The following SLC38A3 variants were observed in gnomAD, a reference collection of about 807,000 sequenced individuals.
SLC38A3 encodes sodium-coupled neutral amino acid transporter 3.
Under a neutral mutation model 59.5 loss-of-function variants are expected in SLC38A3, and 17 were observed. The observed-to-expected ratio is 0.29, with a 90% CI of 0.20 to 0.43. SLC38A3 has a LOEUF of 0.43. Among genes scored for constraint, SLC38A3 ranks in the 20% least tolerant of loss-of-function variants. The pLI, the probability that SLC38A3 is intolerant of heterozygous loss-of-function variation, is 1.00. For missense variants in SLC38A3, 454 were observed against 653.9 expected (o/e 0.69, Z 3.33); for synonymous variants, 238 against 260.3 (o/e 0.91, Z 0.82).
chr3:50,217,911 C>T lies in SLC38A3; in HGVS notation c.856-6C>T. On this transcript the variant is annotated splice_region_variant and splice_polypyrimidine_tract_variant and intron_variant, in intron 10 of 15. Coordinates refer to ENST00000614032, the MANE Select transcript of SLC38A3 (RefSeq NM_006841.6). The surrounding 1 kb of genome is among the most constrained non-coding windows in gnomAD (Gnocchi z 4.9). ...ACTGCCTTGACACAGCCCCGTGTTT[C>T]CCCAGACAGCATACACCATCCCCAT... The T allele has an allele frequency of 6.2e-7, 1 of 1,614,008 alleles. No individual in the cohort carries two copies. The highest frequency in any genetic ancestry group is 8.5e-7 in the Non-Finnish European group (1 of 1,179,890).
chr3:50,207,195 T>A (rs1161139296), intron 1 of SLC38A3: 1 of 152,280 alleles, frequency 6.6e-6, no homozygotes, highest in Non-Finnish European at 1.5e-5. Flanking sequence ...TATGCTATAG[T>A]AGAATTGGGA....
chr3:50,219,660 T>C (rs587665984), intron 14 of SLC38A3, among the ~76,000 whole-genome samples: 1 of 152,338 alleles, frequency 6.6e-6, no homozygotes, highest in South Asian at 2.1e-4. Context: ...GCTAGCTTCA[T>C]TGGCTGACAT....
chr3:50,211,561 C>T (rs1456140903), intron 1 of SLC38A3, among the ~76,000 whole-genome samples: 2 of 148,848 alleles, frequency 1.3e-5, no homozygotes, highest in Non-Finnish European at 3.0e-5. Context: ...TCCTTGATGC[C>T]CCCATCCTTT....
At position 50,217,415 on chromosome 3, in the gene SLC38A3, G is replaced by C. The variant is rs773933504; in HGVS notation, c.632G>C (p.Gly211Ala). ...ILPLALMRQL[G>A]YLGYSSGFSL... ...TCAGAGTGCTCCCTCCACTTTGCAG[G>C]CTACCTGGGCTACTCCAGCGGCTTC... is the stretch of plus-strand genomic sequence containing the variant. The change falls in exon 9 of 16, where the codon GGC becomes GCC. Residue 211 changes from glycine (G) to alanine (A), a missense_variant and splice_region_variant. Gly to Ala is a moderately conservative substitution (Grantham distance 60). Transcript: ENST00000614032. This position sits in a 1 kb window ranked among gnomAD's most constrained non-coding sequence, Gnocchi z 4.9. 1.2e-6 allele frequency: 2 copies of C among 1,613,216 alleles called. No individual in the cohort carries two copies. The highest frequency in any genetic ancestry group is 8.5e-7 in the Non-Finnish European group (1 of 1,179,562).
chr3:50,217,547 G>A lies in SLC38A3; in HGVS notation c.690+74G>A. ...GGGGAGTTCCCTGTCATCAGGAGGG[G>A]GCAGGTGTCTCTGGGAAGCCTGGGC... On this transcript the variant is annotated intron_variant, in intron 9 of 15. Coordinates refer to ENST00000614032, the MANE Select transcript of SLC38A3 (RefSeq NM_006841.6). The surrounding 1 kb of genome is among the most constrained non-coding windows in gnomAD (Gnocchi z 4.9). The A allele has an allele frequency of 1.9e-6, 3 of 1,579,502 alleles. No homozygotes were observed. Among genetic ancestry groups the A allele is most frequent in the Middle Eastern group, 3.5e-4 (2 of 5,668 alleles).
rs745812005 is a variant in SLC38A3, at chr3:50,218,637, C to T, written c.1081C>T (p.Pro361Ser). The T allele has an allele frequency of 1.9e-6, 3 of 1,613,728 alleles. No individual in the cohort carries two copies. Among genetic ancestry groups the T allele is most frequent in the Non-Finnish European group, 2.5e-6 (3 of 1,179,780 alleles). ...ELLHTYSKVD[P>S]FDVLILCVRV... ...GCTGCACACCTACAGCAAGGTGGAC[C>T]CGTTTGACGTCCTGATCCTGTGTGT... Residue 361 changes from proline (P) to serine (S), a missense_variant, in exon 13 of 16, where the codon CCG becomes TCG. Pro to Ser is a moderately conservative substitution (Grantham distance 74). Coordinates refer to ENST00000614032, the MANE Select transcript of SLC38A3 (RefSeq NM_006841.6). This position sits in a 1 kb window ranked among gnomAD's most constrained non-coding sequence, Gnocchi z 5.8.
chr3:50,214,507 T>C lies in SLC38A3; in HGVS notation c.183+24T>C. The C allele has an allele frequency of 6.5e-7, 1 of 1,550,164 alleles. No individual in the cohort carries two copies. Among genetic ancestry groups the C allele is most frequent in the Non-Finnish European group, 8.7e-7 (1 of 1,144,028 alleles). On this transcript the variant is annotated intron_variant, in intron 3 of 15. Transcript: ENST00000614032. The surrounding 1 kb of genome is among the most constrained non-coding windows in gnomAD (Gnocchi z 6.0). ...ACGTGAGCAGGGCAGCAACGGGTTT[T>C]AGGGGACACTGTGGGGAGCTTGGAT...
Position 50,218,834 on chromosome 3 carries a change from C to T in SLC38A3, c.1192C>T (p.Pro398Ser). The stretch of plus-strand genomic sequence containing the variant: ...CCGCGCCATCCAGCAGATGCTGTTT[C>T]CAAACCAGGAGTTCAGCTGGCTGCG... ...VRRAIQQMLF[P>S]NQEFSWLRHV... The change falls in exon 14 of 16, where the codon CCA becomes TCA. Residue 398 changes from proline (P) to serine (S), a missense_variant. By Grantham distance (74) the Pro-to-Ser change is moderately conservative. This residue lies in a region of SLC38A3 where 390 missense variants were observed against 557.9 expected (regional missense o/e 0.70). Coordinates refer to ENST00000614032, the MANE Select transcript of SLC38A3 (RefSeq NM_006841.6). This position sits in a 1 kb window ranked among gnomAD's most constrained non-coding sequence, Gnocchi z 5.8. The T allele has an allele frequency of 6.2e-7, 1 of 1,612,430 alleles. No homozygotes were observed. The highest frequency in any genetic ancestry group is 1.3e-5 in the African/African-American group (1 of 75,016).
chr3:50,215,194 C>T lies in SLC38A3; in HGVS notation c.300-192C>T, dbSNP rs968768003. On this transcript the variant is annotated intron_variant, in intron 4 of 15. Transcript: ENST00000614032. The surrounding 1 kb of genome is among the most constrained non-coding windows in gnomAD (Gnocchi z 7.1). ...CCAGAGGGCCCCTTCTGGGGTGTGTCGCACCCTGGATCAAAGGGGGTGGTG... is the reference window on the plus strand; with the variant it reads ...CCAGAGGGCCCCTTCTGGGGTGTGTTGCACCCTGGATCAAAGGGGGTGGTG... 3 of 607,624 alleles carry T rather than the reference C, an allele frequency of 4.9e-6. No individual in the cohort carries two copies. The highest frequency in any genetic ancestry group is 4.4e-4 in the Middle Eastern group (1 of 2,252). 37.6% of individuals were successfully genotyped at this position (607,624 alleles called of 1,614,324 possible).
At chr3:50,212,515 C>T (rs1007296646) in intron 1 of SLC38A3, among the ~76,000 whole-genome samples, 2 of 152,140 alleles carry the variant, frequency 1.3e-5, no homozygotes, top group African/African-American at 4.8e-5. Flanking sequence ...GTTATAGTCC[C>T]GAGTAGGTGG....
Position 50,215,372 on chromosome 3 carries a change from C to T in SLC38A3, c.300-14C>T. On this transcript the variant is annotated splice_polypyrimidine_tract_variant and intron_variant, in intron 4 of 15. Transcript: ENST00000614032. The surrounding 1 kb of genome is among the most constrained non-coding windows in gnomAD (Gnocchi z 7.1). ...AGTGGCCTCTTTTTCTTCCATCTTC[C>T]CATGTGTCCCCAGGTTCCTGTTGAC... 6.2e-7 allele frequency: 1 copy of T among 1,613,528 alleles called. No individual in the cohort carries two copies. Among genetic ancestry groups the T allele is most frequent in the Non-Finnish European group, 8.5e-7 (1 of 1,179,442 alleles).
chr3:50,206,043 G>A (rs1699642517), intron 1 of SLC38A3, among the ~76,000 whole-genome samples: 1 of 152,266 alleles, frequency 6.6e-6, no homozygotes, highest in South Asian at 2.1e-4. Flanking sequence ...CGCTGGGTAG[G>A]GTGTAAGTTA....
At chr3:50,216,484 G>A (rs921134353) in intron 7 of SLC38A3, among the ~76,000 whole-genome samples, 1 of 152,214 alleles carries the variant, frequency 6.6e-6, no homozygotes, top group African/African-American at 2.4e-5. Flanking sequence ...GGAGGGGGCC[G>A]GATGAGGCAA....
chr3:50,216,536 G>C (rs1699822164), intron 7 of SLC38A3, among the ~76,000 whole-genome samples: 1 of 152,214 alleles, frequency 6.6e-6, no homozygotes, highest in African/African-American at 2.4e-5. Flanking sequence ...ACAGGTTATT[G>C]CAAGTGCCAG....
chr3:50,215,840 A>T lies in SLC38A3; in HGVS notation c.548+19A>T. On this transcript the variant is annotated intron_variant, in intron 7 of 15. Coordinates refer to ENST00000614032, the MANE Select transcript of SLC38A3 (RefSeq NM_006841.6). The surrounding 1 kb of genome is among the most constrained non-coding windows in gnomAD (Gnocchi z 7.1). ...AAACCTCGTGAGCCCTGGCGTGGGG[A>T]GGGGAGGGGAGGGGTGCGGTGCAGT... 1.2e-5 allele frequency: 10 copies of T among 809,912 alleles called. No homozygotes were observed. The highest frequency in any genetic ancestry group is 3.6e-5 in the African/African-American group (1 of 27,466). The allele number at this position is 809,912 out of a possible 1,614,324, so 50.2% of individuals were successfully genotyped here.
chr3:50,218,593 A>T lies in SLC38A3; in HGVS notation c.1037A>T (p.Asn346Ile), dbSNP rs1240974091. ...TGACCACCCTCCCTGCCTGCCACAG[A>T]CGGGGTGGAGTCGGAGCTGCTGCAC... ...AALFGYLTFY[N>I]GVESELLHTY... Residue 346 changes from asparagine to isoleucine, a missense_variant and splice_region_variant, in exon 13 of 16, where the codon AAC (asparagine) becomes ATC (isoleucine). Physicochemically the swap from Asn to Ile is moderately radical, Grantham distance 149. Coordinates refer to ENST00000614032, the MANE Select transcript of SLC38A3 (RefSeq NM_006841.6). The surrounding 1 kb of genome is among the most constrained non-coding windows in gnomAD (Gnocchi z 5.8). 1.9e-6 allele frequency: 3 copies of T among 1,612,154 alleles called. No homozygotes were observed. Among genetic ancestry groups the T allele is most frequent in the Non-Finnish European group, 1.7e-6 (2 of 1,179,102 alleles).
Position 50,218,074 on chromosome 3 carries a change from G to A in SLC38A3, c.935+78G>A. ...GAGAATGGATGTGGTCCTGAATGTG[G>A]AGAGGGGAGTGACAGGAGCCAAGTC... On this transcript the variant is annotated intron_variant, in intron 11 of 15. Transcript: ENST00000614032. This position sits in a 1 kb window ranked among gnomAD's most constrained non-coding sequence, Gnocchi z 5.8. 7.0e-7 allele frequency: 1 copy of A among 1,437,188 alleles called. No individual in the cohort carries two copies. The highest frequency in any genetic ancestry group is 9.7e-7 in the Non-Finnish European group (1 of 1,028,418). 89.0% of individuals were successfully genotyped at this position (1,437,188 alleles called of 1,614,324 possible). A position where few individuals can be genotyped will look rare whatever the true frequency, so the allele number is the denominator to read the frequency against.
At position 50,221,054 on chromosome 3, in the gene SLC38A3, A is replaced by C. The variant is rs1272924279; in HGVS notation, c.*877A>C. 1 of 152,258 alleles carries C rather than the reference A, an allele frequency of 6.6e-6. No individual in the cohort carries two copies. Among genetic ancestry groups the C allele is most frequent in the African/African-American group, 2.4e-5 (1 of 41,426 alleles). The allele number at this position is 152,258 out of a possible 1,614,324, so 9.4% of individuals were successfully genotyped here. On this transcript the variant is annotated 3_prime_UTR_variant, in exon 16 of 16. Transcript: ENST00000614032. ...GGTACGGGCCAGAACATGGATGGTGATGGAGGGCCCCCGTCTCCTTGTCTG... is the reference window on the plus strand; with the variant it reads ...GGTACGGGCCAGAACATGGATGGTGCTGGAGGGCCCCCGTCTCCTTGTCTG...
Position 50,218,336 on chromosome 3 carries a change from C to T in SLC38A3, c.1002C>T (p.Phe334=), listed in dbSNP as rs1223759036. Residue 334 remains phenylalanine (F), a synonymous_variant, in exon 12 of 16, where the codon TTC becomes TTT. Coordinates refer to ENST00000614032, the MANE Select transcript of SLC38A3 (RefSeq NM_006841.6). This position sits in a 1 kb window ranked among gnomAD's most constrained non-coding sequence, Gnocchi z 5.8. ...LSIAVMYIMY[F]LAALFGYLTF... ...TCGCTGTCATGTACATCATGTACTT[C>T]CTGGCTGCCCTCTTCGGCTACCTCA... 5 of 1,613,230 alleles carry T rather than the reference C, an allele frequency of 3.1e-6. No homozygotes were observed. The South Asian group carries it at 4.4e-5, about 14-fold the overall frequency.
Sources: gnomAD v4.1 joint callset for allele counts (sites outside exome capture counted in the v4.1 genomes callset) on GRCh38, gnomAD v4.1.1 for gene constraint, gnomAD v4.1.1 regional missense constraint, Gnocchi (gnomAD v3.1) non-coding constraint, MANE v1.5 for transcripts, NCBI Gene and HGNC (gene_info 2026-07-23, HGNC 2026-07-21) for gene names.